FAM167A: variants seen among roughly 807,000 people sequenced by gnomAD.
FAM167A encodes protein FAM167A.
Under a neutral mutation model 14.9 loss-of-function variants are expected in FAM167A, and 23 were observed. That is an observed-to-expected ratio of 1.55 (90% CI 1.11 to 2.19). FAM167A has a LOEUF of 2.19. Ranked by LOEUF, FAM167A falls within the 30% of genes most tolerant of loss-of-function variation. FAM167A has a pLI of 0.00. For missense variants in FAM167A, 401 were observed against 281.5 expected, an observed-to-expected ratio of 1.42 and a Z score of -3.04; for synonymous variants, 174 against 117.7, an observed-to-expected ratio of 1.48 and a Z score of -3.10.
chr8:11,465,730 T>C lies in FAM167A; in HGVS notation c.-398+896A>G, dbSNP rs199713843. On this transcript the variant is annotated intron_variant, in intron 1 of 2. Coordinates refer to ENST00000284486, the MANE Select transcript of FAM167A (RefSeq NM_053279.3). ...GTCTACTGTGTCAGTGGGAAGCTGC[T>C]TTGGAGCATGTGCCCCTTGGTGAAA... Among the ~76,000 whole-genome samples the C allele has an allele frequency of 1.2e-4, 18 of 152,352 alleles. No individual in the cohort carries two copies. In the East Asian group the frequency reaches 3.3e-3, roughly 28 times the overall value.
intron 1 of FAM167A, among the ~76,000 whole-genome samples, chr8:11,461,089 G>A (rs184793109): frequency 3.9e-5 from 6 of 152,324 alleles, no homozygotes; most frequent in Admixed American, 3.3e-4. Flanking sequence ...TCAGAAAGAG[G>A]CCCTGGCTCC....
intron 2 of FAM167A, among the ~76,000 whole-genome samples, chr8:11,429,785 T>C: frequency 6.6e-6 from 1 of 152,176 alleles, no homozygotes. Context: ...TGAGCTCCAC[T>C]CCTCACTCGT....
At chr8:11,446,088 G>A (rs1806768443) in intron 1 of FAM167A, among the ~76,000 whole-genome samples, 1 of 152,010 alleles carries the variant, frequency 6.6e-6, no homozygotes, top group Middle Eastern at 3.4e-3. Flanking sequence ...AGGGGAACTG[G>A]GCAGAAGGGA....
intron 2 of FAM167A, among the ~76,000 whole-genome samples, chr8:11,428,387 G>C (rs775407499): frequency 3.9e-5 from 6 of 152,240 alleles, no homozygotes; most frequent in African/African-American, 9.6e-5. Flanking sequence ...AGTTTCCATG[G>C]ACTGGACAAA....
rs141938075 is a variant in FAM167A at position 11,438,374 on chromosome 8, T to G, written c.381+5657A>C. ...ACATCAAACAGGAATGTTGGGAGAT[T>G]GAAGGCCTTACTTTTATTTGAATGT... On this transcript the variant is annotated intron_variant, in intron 2 of 2. Coordinates refer to ENST00000284486, the MANE Select transcript of FAM167A (RefSeq NM_053279.3). The G allele has an allele frequency of 9.6e-4, 431 of 449,058 alleles. 2 individuals carry two copies. Among genetic ancestry groups the G allele is most frequent in the South Asian group, 1.7e-3 (105 of 62,800 alleles). The allele number at this position is 449,058 out of a possible 1,614,324, so 27.8% of individuals were successfully genotyped here.
At chr8:11,448,275 T>C (rs991476616) in intron 1 of FAM167A, among the ~76,000 whole-genome samples, 6 of 151,830 alleles carry the variant, frequency 4.0e-5, no homozygotes, top group Non-Finnish European at 7.4e-5. Context: ...CCTGTGCCAC[T>C]GCCCACAGCC....
chr8:11,449,705 T>A (rs1323131886), intron 1 of FAM167A, among the ~76,000 whole-genome samples: 1 of 152,112 alleles, frequency 6.6e-6, no homozygotes, highest in Non-Finnish European at 1.5e-5. Flanking sequence ...GCGTCAGCCT[T>A]TCTGCAGCTC....
At chr8:11,430,896 T>C (rs981172111) in intron 2 of FAM167A, among the ~76,000 whole-genome samples, 2 of 152,150 alleles carry the variant, frequency 1.3e-5, no homozygotes, top group East Asian at 3.8e-4. Flanking sequence ...CTGGGGGGTC[T>C]CTCTGGACCT....
At chr8:11,449,571 G>T (rs1338887414) in intron 1 of FAM167A, among the ~76,000 whole-genome samples, 1 of 152,178 alleles carries the variant, frequency 6.6e-6, no homozygotes, top group Admixed American at 6.5e-5. Flanking sequence ...GCCAAAGGAC[G>T]CTGCCAGACC....
Position 11,444,432 on chromosome 8 carries a change from C to T in FAM167A, c.-21G>A. On this transcript the variant is annotated 5_prime_UTR_variant, in exon 2 of 3. Transcript: ENST00000284486. ...GACATTCTACAGTCTGCCCTGGCAG[C>T]CGGACATGCGAGGGCACGGGGGGCG... 6.6e-7 allele frequency: 1 copy of T among 1,516,796 alleles called. No individual in the cohort carries two copies. Among genetic ancestry groups the T allele is most frequent in the Non-Finnish European group, 8.8e-7 (1 of 1,132,814 alleles). 94.0% of individuals were successfully genotyped at this position (1,516,796 alleles called of 1,614,324 possible).
chr8:11,427,290 G>C (rs1225580156), intron 2 of FAM167A, among the ~76,000 whole-genome samples: 1 of 152,188 alleles, frequency 6.6e-6, no homozygotes, highest in Non-Finnish European at 1.5e-5. Flanking sequence ...CTGGAGCTCA[G>C]AGGGCTGGTT....
upstream of FAM167A, among the ~76,000 whole-genome samples, chr8:11,468,931 G>C (rs1257687983): frequency 2.0e-5 from 3 of 152,232 alleles, no homozygotes; most frequent in South Asian, 2.1e-4. Context: ...CAGGAGGAGA[G>C]TGGGCCAGAG....
chr8:11,443,575 A>G (rs141494481), intron 2 of FAM167A: 5,664 of 174,292 alleles, frequency 0.032, 150 homozygotes, highest in Non-Finnish European at 0.052. Flanking sequence ...ACTGTGCCCC[A>G]TGGAGCCACC....
At chr8:11,435,265 G>A (rs1043568909) in intron 2 of FAM167A, among the ~76,000 whole-genome samples, 1 of 152,134 alleles carries the variant, frequency 6.6e-6, no homozygotes, top group African/African-American at 2.4e-5. Context: ...CCCTCTCCCT[G>A]CAGAGGGGAT....
chr8:11,468,294 G>C (rs1401597899), upstream of FAM167A, among the ~76,000 whole-genome samples: 1 of 152,214 alleles, frequency 6.6e-6, no homozygotes, highest in East Asian at 1.9e-4. Context: ...CTAGGGCCTT[G>C]TCTTGCACAG....
chr8:11,466,035 G>A (rs1032978725), intron 1 of FAM167A, among the ~76,000 whole-genome samples: 2 of 152,114 alleles, frequency 1.3e-5, no homozygotes, highest in Non-Finnish European at 2.9e-5. Flanking sequence ...CGCCGTCTGT[G>A]CTCCGGTGTC....
chr8:11,472,148 G>A (rs549593031), upstream of FAM167A, among the ~76,000 whole-genome samples: 50 of 152,348 alleles, frequency 3.3e-4, 1 homozygote, highest in South Asian at 7.0e-3. Context: ...CCTCTCAAAT[G>A]TCAGGCTGGG....
intron 2 of FAM167A, 135 bp from the exon 3 acceptor site, chr8:11,424,771 G>T: frequency 7.7e-7 from 1 of 1,300,252 alleles, no homozygotes; most frequent in Non-Finnish European, 1.0e-6. Context: ...CACTTTCCCT[G>T]CTCAGGGAGG....
intron 2 of FAM167A, among the ~76,000 whole-genome samples, chr8:11,431,388 A>C (rs1455956211): frequency 1.3e-5 from 2 of 152,178 alleles, no homozygotes; most frequent in African/African-American, 4.8e-5. Flanking sequence ...AGGGCTGGGG[A>C]GAGGGGATGG....
Sources: gnomAD v4.1 joint callset for allele counts (sites outside exome capture counted in the v4.1 genomes callset) on GRCh38, gnomAD v4.1.1 for gene constraint, MANE v1.5 for transcripts, NCBI Gene and HGNC (gene_info 2026-07-23, HGNC 2026-07-21) for gene names.